Variants in PCDHGA2 observed in about 807,000 individuals in gnomAD.
The protein encoded by PCDHGA2 is protocadherin gamma subfamily A, 2, also known as protocadherin gamma-A2.
A neutral mutation model predicts 59.2 loss-of-function variants in PCDHGA2; 40 were observed. The observed-to-expected ratio is 0.68, with a 90% confidence interval of 0.52 to 0.88. The LOEUF (loss-of-function observed/expected upper bound fraction) is 0.88, where lower values mean the gene tolerates loss of function less well. Ranked by LOEUF, PCDHGA2 falls within the 40% of genes least tolerant of loss-of-function variation. The pLI, the probability that PCDHGA2 is intolerant of heterozygous loss-of-function variation, is 0.00. For missense variants in PCDHGA2, 1,226 were observed against 1,204.0 expected, an observed-to-expected ratio of 1.02 and a Z score of -0.27; for synonymous variants, 560 against 526.0, an observed-to-expected ratio of 1.06 and a Z score of -0.89.
In PCDHGA2 at chr5:141,487,102, G is replaced by C; in HGVS notation, c.2425-7705G>C. The C allele has an allele frequency of 6.2e-7, 1 of 1,613,900 alleles. No homozygotes were observed. Among genetic ancestry groups the C allele is most frequent in the Non-Finnish European group, 8.5e-7 (1 of 1,179,818 alleles). ...CAGCTGACCTCCCACCACAGAAGCTGGTCATTGTGGTAAAGGATAGTGGTA... is the reference window on the plus strand; with the variant it reads ...CAGCTGACCTCCCACCACAGAAGCTCGTCATTGTGGTAAAGGATAGTGGTA... On this transcript the variant is annotated intron_variant, in intron 1 of 3. Transcript: ENST00000394576. This position sits in a 1 kb window ranked among gnomAD's most constrained non-coding sequence, Gnocchi z 5.0.
At chr5:141,403,776 G>A (rs1312851147) in intron 1 of PCDHGA2, 1 of 1,613,926 alleles carries the variant, frequency 6.2e-7, no homozygotes, top group East Asian at 2.2e-5. Flanking sequence ...GGAATCAACG[G>A]AAAAGTGGCA....
In PCDHGA2 at chr5:141,431,159, C is replaced by A. The variant is rs1017606383; in HGVS notation, c.2425-63648C>A. On this transcript the variant is annotated intron_variant, in intron 1 of 3. Coordinates refer to ENST00000394576, the MANE Select transcript of PCDHGA2 (RefSeq NM_018915.4). The surrounding 1 kb of genome is among the most constrained non-coding windows in gnomAD (Gnocchi z 4.8). The stretch of plus-strand genomic sequence containing the variant: ...CATTAACGACAATGCGCCTTACTTT[C>A]GTGAAAGTGAATTAGAAATAAAAAT... The A allele has an allele frequency of 6.2e-7, 1 of 1,614,158 alleles. No homozygotes were observed. The highest frequency in any genetic ancestry group is 1.3e-5 in the African/African-American group (1 of 75,046).
chr5:141,418,785 T>C, intron 1 of PCDHGA2: 1 of 1,613,862 alleles, frequency 6.2e-7, no homozygotes, highest in African/African-American at 1.3e-5. Flanking sequence ...CCTTTGGATT[T>C]TGAAGAAGTA....
At chr5:141,365,909 G>A in intron 1 of PCDHGA2, 1 of 1,614,190 alleles carries the variant, frequency 6.2e-7, no homozygotes. Flanking sequence ...GCAGTTGAGA[G>A]ACCTACAGTT....
rs201851177 is a variant in PCDHGA2, at chr5:141,376,061, C to G, written c.2424+34666C>G. On this transcript the variant is annotated intron_variant, in intron 1 of 3. Transcript: ENST00000394576. ...GCCCCCTCTCTCCGCCACTGTCACG[C>G]TCACCGTGGCCGTGGCCGACAGGAT... is the stretch of plus-strand genomic sequence containing the variant. The G allele has an allele frequency of 8.2e-4, 1,321 of 1,613,326 alleles. No individual in the cohort carries two copies. Among genetic ancestry groups the G allele is most frequent in the Non-Finnish European group, 1.0e-3 (1,200 of 1,179,910 alleles).
At chr5:141,370,718 G>T in intron 1 of PCDHGA2, 1 of 1,613,818 alleles carries the variant, frequency 6.2e-7, no homozygotes, top group Non-Finnish European at 8.5e-7. Flanking sequence ...AATTTGAAAT[G>T]GTTGCTGAAA....
At chr5:141,443,980 T>A (rs2098412674) in intron 1 of PCDHGA2, among the ~76,000 whole-genome samples, 1 of 152,036 alleles carries the variant, frequency 6.6e-6, no homozygotes, top group South Asian at 2.1e-4. Context: ...CTAAGCTATG[T>A]TAATTTTATT....
intron 1 of PCDHGA2, among the ~76,000 whole-genome samples, chr5:141,380,353 G>T (rs954913370): frequency 6.6e-6 from 1 of 151,944 alleles, no homozygotes; most frequent in Non-Finnish European, 1.5e-5. Flanking sequence ...TTTGTTGTTT[G>T]TTTTTTAGAA....
chr5:141,349,143 T>C (rs1480215527), intron 1 of PCDHGA2, among the ~76,000 whole-genome samples: 1 of 152,204 alleles, frequency 6.6e-6, no homozygotes, highest in Non-Finnish European at 1.5e-5. Flanking sequence ...TGATCTCAAC[T>C]CACTGCAACC....
chr5:141,351,108 T>C (rs1758648471), intron 1 of PCDHGA2: 1 of 1,613,900 alleles, frequency 6.2e-7, no homozygotes, highest in African/African-American at 1.3e-5. Flanking sequence ...AATTCCCCAA[T>C]AAGTACCAGC....
intron 1 of PCDHGA2, chr5:141,382,815 C>T (rs1166972077): frequency 5.6e-6 from 7 of 1,260,548 alleles, no homozygotes; most frequent in Non-Finnish European, 7.7e-6. Flanking sequence ...GCTCCCCTTC[C>T]TAAGACAGAG....
intron 1 of PCDHGA2, chr5:141,415,385 C>T (rs1388093443): frequency 3.7e-6 from 6 of 1,614,228 alleles, no homozygotes; most frequent in Non-Finnish European, 5.1e-6. Flanking sequence ...GGCGGCTTGA[C>T]AGGTGTGTCC....
In PCDHGA2 at chr5:141,489,423, C is replaced by A. The variant is rs754178145; in HGVS notation, c.2425-5384C>A. 7.4e-6 allele frequency: 12 copies of A among 1,613,982 alleles called. No homozygotes were observed. Among genetic ancestry groups the A allele is most frequent in the Non-Finnish European group, 1.0e-5 (12 of 1,180,044 alleles). On this transcript the variant is annotated intron_variant, in intron 1 of 3. Transcript: ENST00000394576. The surrounding 1 kb of genome is among the most constrained non-coding windows in gnomAD (Gnocchi z 4.5). Reference sequence around the variant, plus strand: ...GCTTAAAGATGACAGATCTGTTGAGCCGGCGGCTGCAATTGGGCTCTGAGG... The same window carrying A: ...GCTTAAAGATGACAGATCTGTTGAGACGGCGGCTGCAATTGGGCTCTGAGG...
rs770930842 is a variant in PCDHGA2 at position 141,432,673 on chromosome 5, C to G, written c.2425-62134C>G. 10 of 1,613,804 alleles carry G rather than the reference C, an allele frequency of 6.2e-6. No homozygotes were observed. The East Asian group carries it at 1.3e-4, about 22-fold the overall frequency. ...GAGCCCTGCTGGACAGAGACGCGCT[C>G]AAGCAGAGCCTCGTAGTGGCCGTCC... is the stretch of plus-strand genomic sequence containing the variant. On this transcript the variant is annotated intron_variant, in intron 1 of 3. Transcript: ENST00000394576. The surrounding 1 kb of genome is among the most constrained non-coding windows in gnomAD (Gnocchi z 6.0).
chr5:141,384,934 G>C lies in PCDHGA2; in HGVS notation c.2424+43539G>C, dbSNP rs750109041. Reference sequence around the variant, plus strand: ...AGTCTTGGCCGACCTGGGCAGCCTTGAGCCCTCCGACGGTCCTTACAACTA... The same window carrying C: ...AGTCTTGGCCGACCTGGGCAGCCTTCAGCCCTCCGACGGTCCTTACAACTA... On this transcript the variant is annotated intron_variant, in intron 1 of 3. Coordinates refer to ENST00000394576, the MANE Select transcript of PCDHGA2 (RefSeq NM_018915.4). 2.9e-5 allele frequency: 47 copies of C among 1,614,050 alleles called. No homozygotes were observed. In the East Asian group the frequency reaches 1.0e-3, roughly 34 times the overall value.
At chr5:141,427,839 G>A (rs1276507135) in intron 1 of PCDHGA2, 3 of 1,547,192 alleles carry the variant, frequency 1.9e-6, no homozygotes, top group African/African-American at 2.7e-5. Context: ...GCGTGCCTTC[G>A]ACCACGAGCA....
At chr5:141,438,627 TATATATATAC>T (rs572501359) in intron 1 of PCDHGA2, among the ~76,000 whole-genome samples, 778 of 47,938 alleles carry the variant, frequency 0.016, 4 homozygotes, top group East Asian at 0.059. Context: ...TATATATATA[TATATATATAC>T]ACACACACAC....
chr5:141,366,450 T>C, intron 1 of PCDHGA2: 6 of 1,614,230 alleles, frequency 3.7e-6, no homozygotes, highest in Non-Finnish European at 5.1e-6. Flanking sequence ...TTCCTGGCCT[T>C]CGTCATCGTG....
chr5:141,475,486 T>G (rs576743657), intron 1 of PCDHGA2, among the ~76,000 whole-genome samples: 1 of 152,252 alleles, frequency 6.6e-6, no homozygotes, highest in Non-Finnish European at 1.5e-5. Flanking sequence ...TGGTAAGAGA[T>G]AAAACTGAAA....
Sources: allele counts gnomAD v4.1 joint callset (sites outside exome capture counted in the v4.1 genomes callset), GRCh38; gene constraint gnomAD v4.1.1; non-coding constraint Gnocchi (gnomAD v3.1); transcripts MANE v1.5; gene names NCBI Gene and HGNC (gene_info 2026-07-23, HGNC 2026-07-21).